The following NUP210 variants were observed in gnomAD, a reference collection of about 807,000 sequenced individuals.
The protein encoded by NUP210 is nuclear pore membrane glycoprotein 210.
NUP210 carries 151 observed loss-of-function variants against 196.0 expected under a neutral mutation model. The ratio of observed to expected loss-of-function variants is 0.77; its 90% CI spans 0.67 to 0.88. The LOEUF is 0.88. Among genes scored for constraint, NUP210 ranks in the 40% least tolerant of loss-of-function variants. The pLI is 0.00. For synonymous variants in NUP210, 1,070 were observed against 1,052.7 expected, an observed-to-expected ratio of 1.02 and a Z score of -0.32; for missense variants, 2,314 against 2,493.7, an observed-to-expected ratio of 0.93 and a Z score of 1.53.
intron 9 of NUP210, among the ~76,000 whole-genome samples, chr3:13,377,231 A>G (rs1698943158): frequency 6.6e-6 from 1 of 152,154 alleles, no homozygotes; most frequent in Non-Finnish European, 1.5e-5. Context: ...CTCCAGCCCA[A>G]CAGGGGCTCT....
chr3:13,373,920 G>A (rs762597293), intron 11 of NUP210, 47 bp from the exon 12 acceptor site: 7 of 1,600,676 alleles, frequency 4.4e-6, no homozygotes, highest in Non-Finnish European at 6.0e-6. Flanking sequence ...CCCTTAGCCT[G>A]CTGGGGAAGT....
intron 31 of NUP210, among the ~76,000 whole-genome samples, chr3:13,327,927 C>A (rs1576346348): frequency 6.6e-6 from 1 of 152,348 alleles, no homozygotes; most frequent in East Asian, 1.9e-4. Flanking sequence ...AGTGGGGAGG[C>A]ACCTGCCACA....
chr3:13,332,574 A>G (rs2124846069), intron 28 of NUP210, among the ~76,000 whole-genome samples, 190 bp from the exon 29 acceptor site: 1 of 152,220 alleles, frequency 6.6e-6, no homozygotes, highest in East Asian at 1.9e-4. Context: ...GTGGCCGGGT[A>G]GAGTAGCTCA....
At chr3:13,326,521 A>G (rs1696760666) in intron 32 of NUP210, among the ~76,000 whole-genome samples, 1 of 144,442 alleles carries the variant, frequency 6.9e-6, no homozygotes, top group Non-Finnish European at 1.5e-5. Context: ...TCTCCTTTTA[A>G]AATGAATTTA....
chr3:13,329,987 GTGGATGTCACGTAC>G (rs1362492663), intron 30 of NUP210, among the ~76,000 whole-genome samples: 1 of 152,232 alleles, frequency 6.6e-6, no homozygotes, highest in African/African-American at 2.4e-5. Context: ...CAAAACCACA[GTGGATGTCACGTAC>G]TGGATGTCAC....
At chr3:13,403,373 G>A (rs903757142) in intron 1 of NUP210, among the ~76,000 whole-genome samples, 24 of 152,174 alleles carry the variant, frequency 1.6e-4, no homozygotes, top group African/African-American at 5.8e-4. Context: ...AGGGGCGAGG[G>A]AGCTCTCTGG....
chr3:13,374,186 G>C (rs1444403422), intron 11 of NUP210, among the ~76,000 whole-genome samples: 1 of 151,872 alleles, frequency 6.6e-6, no homozygotes, highest in African/African-American at 2.4e-5. Flanking sequence ...CACACCCACA[G>C]TGCACACTCA....
chr3:13,386,487 G>A (rs376281159), intron 5 of NUP210, 80 bp from the exon 6 acceptor site: 2 of 1,529,216 alleles, frequency 1.3e-6, no homozygotes, highest in Admixed American at 1.8e-5. Flanking sequence ...AGAAAGAGAT[G>A]TTTTAAACAT....
In NUP210 at chr3:13,348,940, A is replaced by T. The variant is rs1376071191; in HGVS notation, c.2835+2939T>A. On this transcript the variant is annotated intron_variant, in intron 20 of 39. Coordinates refer to ENST00000254508, the MANE Select transcript of NUP210 (RefSeq NM_024923.4). The surrounding 1 kb of genome is among the most constrained non-coding windows in gnomAD (Gnocchi z 4.0). ...CAGGGGGTGTTTCACACAAAAATAG[A>T]GATCTCTATTTTCTCTTGAAAATCA... is the stretch of plus-strand genomic sequence containing the variant. The T allele has an allele frequency of 1.0e-6, 1 of 974,062 alleles. No individual in the cohort carries two copies. Among genetic ancestry groups the T allele is most frequent in the Admixed American group, 6.2e-5 (1 of 16,260 alleles). 60.3% of individuals were successfully genotyped at this position (974,062 alleles called of 1,614,324 possible).
chr3:13,362,068 G>A (rs1179358977), intron 14 of NUP210, among the ~76,000 whole-genome samples: 1 of 152,196 alleles, frequency 6.6e-6, no homozygotes, highest in African/African-American at 2.4e-5. Context: ...CCCTGAAGGA[G>A]CTTCATGGCC....
rs1348645139 is a variant in NUP210, at chr3:13,317,675, C to G, written c.*6G>C. On this transcript the variant is annotated 3_prime_UTR_variant, in exon 40 of 40. Transcript: ENST00000254508. ...GAGACCCATCCTCCGGGAACCTTCA[C>G]GCGGCCTAGTGGGAGGCATAGGCTG... 6.3e-7 allele frequency: 1 copy of G among 1,597,756 alleles called. No homozygotes were observed. Among genetic ancestry groups the G allele is most frequent in the Non-Finnish European group, 8.5e-7 (1 of 1,171,050 alleles).
At chr3:13,387,986 C>T (rs1050243044) in intron 5 of NUP210, among the ~76,000 whole-genome samples, 9 of 152,184 alleles carry the variant, frequency 5.9e-5, no homozygotes, top group African/African-American at 1.9e-4. Context: ...TATACCAGCA[C>T]GGTGGGGGCA....
chr3:13,367,383 C>T (rs1471244766), intron 13 of NUP210, among the ~76,000 whole-genome samples: 1 of 152,072 alleles, frequency 6.6e-6, no homozygotes, highest in South Asian at 2.1e-4. Context: ...TGCAGTGAGC[C>T]GAGAACGCAC....
chr3:13,388,247 C>T (rs907128451), intron 5 of NUP210, 56 bp downstream of exon 5: 84 of 1,445,818 alleles, frequency 5.8e-5, no homozygotes, highest in Middle Eastern at 2.3e-4. Context: ...AAGCAGGTAC[C>T]GTCAGCCTGA....
chr3:13,414,306 G>T (rs1417708958), intron 1 of NUP210, among the ~76,000 whole-genome samples: 3 of 152,240 alleles, frequency 2.0e-5, no homozygotes, highest in Non-Finnish European at 4.4e-5. Flanking sequence ...CAGGCAGAGT[G>T]GGGGACCCAC....
intron 1 of NUP210, 105 bp from the exon 2 acceptor site, chr3:13,399,966 C>T: frequency 7.3e-7 from 1 of 1,368,822 alleles, no homozygotes; most frequent in Non-Finnish European, 9.9e-7. Context: ...GTCCTGGACC[C>T]AAAGACAGAA....
At chr3:13,343,880 G>T (rs920068202) in intron 20 of NUP210, among the ~76,000 whole-genome samples, 3 of 152,158 alleles carry the variant, frequency 2.0e-5, no homozygotes, top group African/African-American at 7.2e-5. Flanking sequence ...GGAGTGACCC[G>T]CAAGGCCACC....
At position 13,345,955 on chromosome 3, in the gene NUP210, T is replaced by A. The variant is rs142432717; in HGVS notation, c.2836-2652A>T. The stretch of plus-strand genomic sequence containing the variant: ...AGGAGTGGGCAGGTCCTTCACAATG[T>A]GAAGAAATTCCATAGTGCACCGACT... On this transcript the variant is annotated intron_variant, in intron 20 of 39. Coordinates refer to ENST00000254508, the MANE Select transcript of NUP210 (RefSeq NM_024923.4). Among the ~76,000 whole-genome samples the A allele has an allele frequency of 2.0e-5, 3 of 152,328 alleles. No individual in the cohort carries two copies. In the East Asian group the frequency reaches 5.8e-4, roughly 29 times the overall value.
chr3:13,330,719 G>C, intron 29 of NUP210, 85 bp from the exon 30 acceptor site: 1 of 1,323,794 alleles, frequency 7.6e-7, no homozygotes, highest in Non-Finnish European at 1.0e-6. Context: ...CTAAGAGTCT[G>C]TGGCTCCTCA....
Sources: allele counts gnomAD v4.1 joint callset (sites outside exome capture counted in the v4.1 genomes callset), GRCh38; gene constraint gnomAD v4.1.1; non-coding constraint Gnocchi (gnomAD v3.1); transcripts MANE v1.5; gene names NCBI Gene and HGNC (gene_info 2026-07-23, HGNC 2026-07-21).